Variants in ARHGEF3 observed in about 807,000 individuals in gnomAD.
ARHGEF3 encodes 59.8 kDA protein.
In ARHGEF3, 28 loss-of-function variants were observed where a neutral mutation model predicts 63.2. The observed-to-expected ratio is 0.44, with a 90% confidence interval of 0.33 to 0.61. ARHGEF3 has a LOEUF of 0.61. Ranked by LOEUF, ARHGEF3 falls within the 20% of genes least tolerant of loss-of-function variation. The pLI is 0.03. For missense variants in ARHGEF3, 533 were observed against 659.3 expected, an observed-to-expected ratio of 0.81 and a Z score of 2.10; for synonymous variants, 266 against 254.2, an observed-to-expected ratio of 1.05 and a Z score of -0.44.
At chr3:56,982,803 C>T (rs540545134) in intron 2 of ARHGEF3, among the ~76,000 whole-genome samples, 1 of 152,178 alleles carries the variant, frequency 6.6e-6, no homozygotes, top group African/African-American at 2.4e-5. Flanking sequence ...CCTGCAGAAC[C>T]CCTGGCTGTC....
chr3:57,032,509 G>A (rs1166741636), intron 2 of ARHGEF3, among the ~76,000 whole-genome samples: 1 of 152,234 alleles, frequency 6.6e-6, no homozygotes, highest in African/African-American at 2.4e-5. Flanking sequence ...TCCATGGTGA[G>A]CAAAGTTTTG....
intron 1 of ARHGEF3, among the ~76,000 whole-genome samples, chr3:57,039,852 C>T (rs1256955804): frequency 6.6e-6 from 1 of 152,152 alleles, no homozygotes; most frequent in East Asian, 1.9e-4. Context: ...CTCCCCATGC[C>T]AAGATCCTTA....
chr3:56,832,058 G>C (rs17057373), intron 4 of ARHGEF3, among the ~76,000 whole-genome samples: 22,549 of 151,774 alleles, frequency 0.15, 1,833 homozygotes, highest in South Asian at 0.22. Flanking sequence ...TATACAGAAA[G>C]ACTGCACAAA....
intron 2 of ARHGEF3, among the ~76,000 whole-genome samples, chr3:56,771,256 T>G (rs2035990742): frequency 6.6e-6 from 1 of 152,236 alleles, no homozygotes; most frequent in Non-Finnish European, 1.5e-5. Flanking sequence ...CTTGATTTCT[T>G]TCTGTTCTAG....
intron 3 of ARHGEF3, among the ~76,000 whole-genome samples, chr3:56,949,731 A>T (rs1393090167): frequency 6.6e-6 from 1 of 152,066 alleles, no homozygotes. Flanking sequence ...ATTCAATGCC[A>T]TCCCCATCAA....
chr3:56,943,895 CAG>C (rs913158037), intron 3 of ARHGEF3, among the ~76,000 whole-genome samples: 1 of 142,964 alleles, frequency 7.0e-6, no homozygotes, highest in African/African-American at 2.6e-5. Flanking sequence ...GCCTGGGCGA[CAG>C]AGAGAGACTC....
chr3:57,037,197 A>C (rs1404367012), intron 1 of ARHGEF3, among the ~76,000 whole-genome samples: 1 of 152,190 alleles, frequency 6.6e-6, no homozygotes, highest in African/African-American at 2.4e-5. Flanking sequence ...TCCCAGAAGA[A>C]GAAAAGATGG....
rs199511355 is a variant in ARHGEF3 at position 56,824,006 on chromosome 3, CAG to C, written c.193-50192_193-50191del. 1.0e-3 allele frequency among the ~76,000 whole-genome samples: 117 copies of C among 115,334 alleles called. No homozygotes were observed. The East Asian group carries it at 0.018, about 18-fold the overall frequency. 75.7% of individuals were successfully genotyped at this position (115,334 alleles called of 152,430 possible). On this transcript the variant is annotated intron_variant, in intron 4 of 12. Transcript: ENST00000338458. Reference sequence around the variant, plus strand: ...GAAAGGAAAAAAAAAAAAAAAAAAACAGAACGAGCCAGATGGACGAGAAGGCT... The same window carrying C: ...GAAAGGAAAAAAAAAAAAAAAAAAACAACGAGCCAGATGGACGAGAAGGCT...
At chr3:57,065,582 T>A (rs1012678163) in intron 1 of ARHGEF3, among the ~76,000 whole-genome samples, 4 of 152,180 alleles carry the variant, frequency 2.6e-5, no homozygotes, top group African/African-American at 9.7e-5. Context: ...GACTGGGTAC[T>A]TGAAAAGGGT....
intron 1 of ARHGEF3, among the ~76,000 whole-genome samples, chr3:56,774,302 T>TA (rs550743658): frequency 1.5e-3 from 220 of 147,808 alleles, no homozygotes; most frequent in East Asian, 8.4e-3. Context: ...TTCATTAAAT[T>TA]AAAAAAAAAA....
chr3:56,938,163 T>C (rs1698992237), intron 3 of ARHGEF3, among the ~76,000 whole-genome samples: 1 of 152,158 alleles, frequency 6.6e-6, no homozygotes, highest in African/African-American at 2.4e-5. Context: ...GTAACAGTCA[T>C]GCACAAAAAA....
chr3:56,970,734 A>G (rs934910676), intron 2 of ARHGEF3, among the ~76,000 whole-genome samples: 10 of 152,166 alleles, frequency 6.6e-5, no homozygotes, highest in South Asian at 4.1e-4. Flanking sequence ...CATGCGTGCA[A>G]TCTCCCAGAA....
rs1401463383 is a variant in ARHGEF3 at position 56,736,067 on chromosome 3, C to CAT, written c.1041+1117_1041+1118insAT. On this transcript the variant is annotated intron_variant, in intron 8 of 9. Transcript: ENST00000296315. ...AAATTTAAACACACACACACACACA[C>CAT]ACACACACACACACACACACAAATT... Among the ~76,000 whole-genome samples the CAT allele has an allele frequency of 5.3e-5, 8 of 150,184 alleles. No homozygotes were observed. In the Admixed American group the frequency reaches 5.5e-4, roughly 10 times the overall value.
intron 3 of ARHGEF3, among the ~76,000 whole-genome samples, chr3:56,915,063 C>A (rs1049133401): frequency 4.6e-5 from 7 of 152,040 alleles, no homozygotes; most frequent in Admixed American, 4.6e-4. Context: ...CTAGAATGGT[C>A]ATACACAAGA....
intron 3 of ARHGEF3, chr3:56,940,998 C>A (rs1246320353): frequency 6.6e-6 from 1 of 152,248 alleles, no homozygotes; most frequent in African/African-American, 2.4e-5. Flanking sequence ...CTGCCAAGCA[C>A]TGTCCACCAA....
intron 3 of ARHGEF3, among the ~76,000 whole-genome samples, chr3:56,913,029 C>T (rs2041893836): frequency 6.6e-6 from 1 of 152,060 alleles, no homozygotes; most frequent in Non-Finnish European, 1.5e-5. Flanking sequence ...GTCCCAGCTA[C>T]TCAGGAGGCT....
intron 4 of ARHGEF3, among the ~76,000 whole-genome samples, chr3:56,852,729 C>T (rs1164607724): frequency 6.6e-6 from 1 of 151,764 alleles, no homozygotes; most frequent in East Asian, 1.9e-4. Context: ...TATAATATGC[C>T]ATTCTTAATG....
rs750007515 is a variant in ARHGEF3, at chr3:56,745,504, A to T, written c.613-42T>A. ...AAGAGAAGGTTGGAATGTCAAAATA[A>T]TTGAGCTCTGAGGCTACGGTGGCAT... On this transcript the variant is annotated intron_variant, in intron 6 of 9. Coordinates refer to ENST00000296315, the MANE Select transcript of ARHGEF3 (RefSeq NM_019555.3). 1.0e-5 allele frequency: 16 copies of T among 1,602,782 alleles called. No homozygotes were observed. In the East Asian group the frequency reaches 3.6e-4, roughly 36 times the overall value.
intron 2 of ARHGEF3, among the ~76,000 whole-genome samples, chr3:56,765,835 A>T (rs974695220): frequency 1.3e-5 from 2 of 152,158 alleles, no homozygotes; most frequent in Non-Finnish European, 2.9e-5. Flanking sequence ...AATACATATT[A>T]AAAAATTCAA....
Sources: allele counts gnomAD v4.1 joint callset (sites outside exome capture counted in the v4.1 genomes callset), GRCh38; gene constraint gnomAD v4.1.1; transcripts MANE v1.5; gene names NCBI Gene and HGNC (gene_info 2026-07-23, HGNC 2026-07-21).